The following C7orf78 variants were observed in gnomAD, a reference collection of about 807,000 sequenced individuals.
The protein encoded by C7orf78 is putative uncharacterized protein C7orf78.
At chr7:12,503,327 T>C in the C7orf78 span, among the ~76,000 whole-genome samples, 1 of 152,078 alleles carries the variant, frequency 6.6e-6, no homozygotes, top group African/African-American at 2.4e-5. Flanking sequence ...GGATATTCAA[T>C]AATACCAATG....
the C7orf78 span, among the ~76,000 whole-genome samples, chr7:12,534,674 G>C: frequency 1.2e-4 from 18 of 152,106 alleles, no homozygotes; most frequent in Non-Finnish European, 2.2e-4. Context: ...ATAACAGGAG[G>C]CTGGGCATAA....
At chr7:12,513,249 T>C in the C7orf78 span, among the ~76,000 whole-genome samples, 1 of 151,888 alleles carries the variant, frequency 6.6e-6, no homozygotes, top group African/African-American at 2.4e-5. Context: ...TCTTTCTTTT[T>C]TTGTTGCTAT....
chr7:12,521,644 CTTT>C, the C7orf78 span, among the ~76,000 whole-genome samples: 10 of 124,790 alleles, frequency 8.0e-5, no homozygotes, highest in Non-Finnish European at 1.5e-4. Flanking sequence ...TGGGTTTGGG[CTTT>C]TTTTTTTTTT....
the C7orf78 span, among the ~76,000 whole-genome samples, chr7:12,513,766 C>T: frequency 0.13 from 19,556 of 151,510 alleles, 1,607 homozygotes; most frequent in East Asian, 0.33. Flanking sequence ...TTTGGGAGGC[C>T]GAGGCGGGTG....
chr7:12,509,523 A>G, the C7orf78 span, among the ~76,000 whole-genome samples: 2 of 152,234 alleles, frequency 1.3e-5, no homozygotes, highest in Non-Finnish European at 2.9e-5. Context: ...GTTGCTAAGT[A>G]TAGTCAACCT....
At chr7:12,508,736 C>T in the C7orf78 span, among the ~76,000 whole-genome samples, 11 of 152,188 alleles carry the variant, frequency 7.2e-5, no homozygotes, top group Non-Finnish European at 1.6e-4. Context: ...TTTACAGCCA[C>T]TCCCCATTGT....
At chr7:12,506,931 A>T in the C7orf78 span, 1 of 485,182 alleles carries the variant, frequency 2.1e-6, no homozygotes, top group Admixed American at 2.2e-5. Flanking sequence ...CCACAGTCAC[A>T]TAAAGTGCTG....
the C7orf78 span, among the ~76,000 whole-genome samples, chr7:12,505,245 T>C: frequency 6.6e-6 from 1 of 152,122 alleles, no homozygotes; most frequent in South Asian, 2.1e-4. Context: ...ATTATTATGA[T>C]TGAAATATAT....
the C7orf78 span, among the ~76,000 whole-genome samples, chr7:12,519,930 T>G: frequency 1.3e-5 from 2 of 152,210 alleles, no homozygotes; most frequent in Non-Finnish European, 2.9e-5. Context: ...TGTAGCCACT[T>G]AGATCTCAGG....
the C7orf78 span, chr7:12,531,195 C>T: frequency 2.0e-5 from 8 of 395,020 alleles, no homozygotes; most frequent in Non-Finnish European, 3.6e-5. Flanking sequence ...CATATAAGTG[C>T]TCTACTGTCA....
At chr7:12,529,148 TTC>T in the C7orf78 span, 1 of 396,344 alleles carries the variant, frequency 2.5e-6, no homozygotes, top group Non-Finnish European at 4.4e-6. Flanking sequence ...TAAAATATAT[TTC>T]TGTCTTTAAA....
chr7:12,496,699 T>G, the C7orf78 span: 4 of 152,248 alleles, frequency 2.6e-5, no homozygotes, highest in Non-Finnish European at 5.9e-5. Context: ...TCATAATCTA[T>G]TTTTGTACCC....
At chr7:12,525,762 A>T in the C7orf78 span, 2 of 394,764 alleles carry the variant, frequency 5.1e-6, no homozygotes, top group Non-Finnish European at 4.5e-6. Context: ...TCAAACTCCA[A>T]CTACAATGAG....
the C7orf78 span, chr7:12,522,866 T>C: frequency 2.5e-6 from 1 of 396,208 alleles, no homozygotes; most frequent in East Asian, 3.6e-5. Flanking sequence ...TCTGAGCTTT[T>C]TCCTGCTTCA....
At chr7:12,507,332 A>G in the C7orf78 span, 24,285 of 158,736 alleles carry the variant, frequency 0.15, 2,359 homozygotes, top group South Asian at 0.22. Flanking sequence ...AAAGGCTAGA[A>G]AAGGAATGGA....
chr7:12,531,321 C>G, the C7orf78 span, among the ~76,000 whole-genome samples: 40 of 152,230 alleles, frequency 2.6e-4, 1 homozygote, highest in African/African-American at 9.4e-4. Context: ...AACCTGTTTC[C>G]TACGTGCATA....
At chr7:12,493,328 T>C in the C7orf78 span, among the ~76,000 whole-genome samples, 1 of 152,188 alleles carries the variant, frequency 6.6e-6, no homozygotes, top group African/African-American at 2.4e-5. Flanking sequence ...ACTAAATATG[T>C]GTAGGAATGT....
At chr7:12,525,661 T>C in the C7orf78 span, among the ~76,000 whole-genome samples, 1 of 152,090 alleles carries the variant, frequency 6.6e-6, no homozygotes, top group African/African-American at 2.4e-5. Flanking sequence ...TTTCAAATTT[T>C]CATAAACAAG....
chr7:12,531,845 A>G, the C7orf78 span, among the ~76,000 whole-genome samples: 68 of 152,278 alleles, frequency 4.5e-4, no homozygotes, highest in African/African-American at 1.2e-3. Flanking sequence ...GAGAAAGGAG[A>G]GCAGCTCCTT....
Sources: gnomAD v4.1 joint callset for allele counts (sites outside exome capture counted in the v4.1 genomes callset) on GRCh38, gnomAD v4.1.1 for gene constraint, MANE v1.5 for transcripts, NCBI Gene and HGNC (gene_info 2026-07-23, HGNC 2026-07-21) for gene names.